MRRF: variants seen among roughly 807,000 people sequenced by gnomAD.
MRRF encodes the protein ribosome-recycling factor, mitochondrial.
Under a neutral mutation model 25.1 loss-of-function variants are expected in MRRF, and 18 were observed. The ratio of observed to expected loss-of-function variants is 0.72; its 90% CI spans 0.50 to 1.06. The LOEUF (loss-of-function observed/expected upper bound fraction) is 1.06. MRRF is among the 50% of genes least tolerant of loss of function. The pLI, the probability that MRRF is intolerant of heterozygous loss-of-function variation, is 0.00. For missense variants in MRRF, 323 were observed against 319.3 expected (o/e 1.01, Z -0.09); for synonymous variants, 113 against 112.1 (o/e 1.01, Z -0.05).
intron 5 of MRRF, among the ~76,000 whole-genome samples, chr9:122,305,447 T>C (rs1378773261): frequency 1.3e-5 from 2 of 151,332 alleles, no homozygotes; most frequent in African/African-American, 4.9e-5. Flanking sequence ...CGATGGGGTC[T>C]CACCATGTTG....
intron 6 of MRRF, among the ~76,000 whole-genome samples, chr9:122,318,182 C>T (rs778200035): frequency 4.6e-5 from 7 of 152,058 alleles, no homozygotes; most frequent in Non-Finnish European, 1.0e-4. Flanking sequence ...GGTTCTATCC[C>T]TATAGTCATG....
chr9:122,290,666 T>A (rs1015948160), intron 4 of MRRF, among the ~76,000 whole-genome samples: 1 of 152,230 alleles, frequency 6.6e-6, no homozygotes, highest in African/African-American at 2.4e-5. Flanking sequence ...ATCCAAGTGA[T>A]GTGGATTGTC....
At chr9:122,316,614 G>T (rs1412265565) in intron 6 of MRRF, among the ~76,000 whole-genome samples, 3 of 152,098 alleles carry the variant, frequency 2.0e-5, no homozygotes, top group Non-Finnish European at 4.4e-5. Context: ...TGGTGTGTGT[G>T]TGTGTGTACG....
At chr9:122,295,407 G>A (rs1834023516) in intron 5 of MRRF, among the ~76,000 whole-genome samples, 1 of 151,786 alleles carries the variant, frequency 6.6e-6, no homozygotes, top group Admixed American at 6.6e-5. Flanking sequence ...GACTTTGAGG[G>A]GTAGGGGAAA....
intron 4 of MRRF, among the ~76,000 whole-genome samples, chr9:122,291,345 A>G (rs1833750822): frequency 6.6e-6 from 1 of 152,218 alleles, no homozygotes; most frequent in Non-Finnish European, 1.5e-5. Flanking sequence ...GCACTGGTAT[A>G]TTTTGAGTGT....
chr9:122,321,550 T>G (rs1835895444), intron 6 of MRRF, among the ~76,000 whole-genome samples: 1 of 152,230 alleles, frequency 6.6e-6, no homozygotes, highest in African/African-American at 2.4e-5. Flanking sequence ...GGTATGAACA[T>G]TTGCATCAAT....
intron 6 of MRRF, among the ~76,000 whole-genome samples, chr9:122,316,992 G>A (rs980226682): frequency 8.6e-5 from 13 of 151,450 alleles, no homozygotes; most frequent in Non-Finnish European, 1.8e-4. Flanking sequence ...AGTTGGTGGT[G>A]TGCTGTTCAC....
intron 1 of MRRF, among the ~76,000 whole-genome samples, chr9:122,268,832 A>G (rs1416901998): frequency 6.6e-6 from 1 of 152,182 alleles, no homozygotes; most frequent in Non-Finnish European, 1.5e-5. Flanking sequence ...CATCGCGAGA[A>G]ATGATTTGCC....
chr9:122,282,534 G>T (rs376393624), intron 3 of MRRF, among the ~76,000 whole-genome samples: 207 of 152,324 alleles, frequency 1.4e-3, no homozygotes, highest in Non-Finnish European at 2.4e-3. Context: ...CTTGGAGTTG[G>T]TCAGACCTGG....
intron 5 of MRRF, among the ~76,000 whole-genome samples, chr9:122,310,894 T>C (rs1835163202): frequency 6.6e-6 from 1 of 152,212 alleles, no homozygotes; most frequent in African/African-American, 2.4e-5. Context: ...AATGAAAATA[T>C]TTCCATAATA....
At chr9:122,312,266 A>G (rs146218339) in intron 5 of MRRF, among the ~76,000 whole-genome samples, 1 of 152,354 alleles carries the variant, frequency 6.6e-6, no homozygotes, top group Non-Finnish European at 1.5e-5. Flanking sequence ...TCAATGAAGT[A>G]ACACACTTAA....
chr9:122,278,319 C>A (rs1832900674), intron 2 of MRRF, among the ~76,000 whole-genome samples: 1 of 152,158 alleles, frequency 6.6e-6, no homozygotes, highest in Non-Finnish European at 1.5e-5. Context: ...ATAAAAAAAA[C>A]AGAACATTCT....
chr9:122,275,974 C>G (rs1372744770), intron 2 of MRRF, among the ~76,000 whole-genome samples: 1 of 152,118 alleles, frequency 6.6e-6, no homozygotes, highest in Non-Finnish European at 1.5e-5. Context: ...GTGGCATGAT[C>G]TCAGCTCACT....
At chr9:122,319,147 C>CTTTTTTTTTT (rs35949709) in intron 6 of MRRF, among the ~76,000 whole-genome samples, 1 of 121,012 alleles carries the variant, frequency 8.3e-6, no homozygotes, top group African/African-American at 3.0e-5. Flanking sequence ...TTCTTTCTTT[C>CTTTTTTTTTT]TTTTTTTTTT....
chr9:122,309,846 C>T (rs1187280495), intron 5 of MRRF, among the ~76,000 whole-genome samples: 1 of 152,124 alleles, frequency 6.6e-6, no homozygotes, highest in African/African-American at 2.4e-5. Context: ...ATGCTGAGAG[C>T]GTTTGGATTT....
At chr9:122,313,503 C>A (rs3818711) in intron 6 of MRRF, 117 bp downstream of exon 6, 138,134 of 1,177,456 alleles carry the variant, frequency 0.12, 9,396 homozygotes, top group East Asian at 0.27. Flanking sequence ...CACATTATCA[C>A]CATTGTCTGA....
chr9:122,301,349 G>A (rs964213389), intron 5 of MRRF, among the ~76,000 whole-genome samples: 13 of 152,206 alleles, frequency 8.5e-5, no homozygotes, highest in Middle Eastern at 3.2e-3. Context: ...ATGTGGAGGG[G>A]AAGCTGTGTA....
chr9:122,297,873 T>A (rs576052981), intron 5 of MRRF, among the ~76,000 whole-genome samples: 2 of 152,314 alleles, frequency 1.3e-5, no homozygotes, highest in African/African-American at 2.4e-5. Flanking sequence ...AGACCCAAAC[T>A]TGATGTGGTT....
rs546342003 is a variant in MRRF at position 122,330,080 on chromosome 9, G to A, written c.*7463G>A. Reference sequence around the variant, plus strand: ...TCTTAAGGGACCGCATGGCATCCAAGGCCACTGGCATCTACTGTACTCCCC... The same window carrying A: ...TCTTAAGGGACCGCATGGCATCCAAAGCCACTGGCATCTACTGTACTCCCC... On this transcript the variant is annotated 3_prime_UTR_variant, in exon 7 of 7. Transcript: ENST00000344641. The surrounding 1 kb of genome is among the most constrained non-coding windows in gnomAD (Gnocchi z 4.2). 1 of 152,428 alleles carries A rather than the reference G, an allele frequency of 6.6e-6. No homozygotes were observed. The highest frequency in any genetic ancestry group is 1.9e-4 in the East Asian group (1 of 5,186). The allele number at this position is 152,428 out of a possible 1,614,324, so 9.4% of individuals were successfully genotyped here. A position where few individuals can be genotyped will look rare whatever the true frequency, so the allele number is the denominator to read the frequency against.
Sources: gnomAD v4.1 joint callset for allele counts (sites outside exome capture counted in the v4.1 genomes callset) on GRCh38, gnomAD v4.1.1 for gene constraint, Gnocchi (gnomAD v3.1) non-coding constraint, MANE v1.5 for transcripts, NCBI Gene and HGNC (gene_info 2026-07-23, HGNC 2026-07-21) for gene names.